Variants in AGBL1 observed in about 807,000 individuals in gnomAD.
AGBL1 encodes AGBL carboxypeptidase 1, also known as cytosolic carboxypeptidase 4.
Under a neutral mutation model 118.9 loss-of-function variants are expected in AGBL1, and 130 were observed. That is an observed-to-expected ratio of 1.09 (90% CI 0.95 to 1.26). The LOEUF is 1.26. AGBL1 is among the 50% of genes most tolerant of loss of function. AGBL1 has a pLI of 0.00. For missense variants in AGBL1, 1,584 were observed against 1,298.1 expected (o/e 1.22, Z -3.38); for synonymous variants, 555 against 478.9 (o/e 1.16, Z -2.08).
At chr15:86,106,365 G>A (rs1404072118) in intron 1 of AGBL1, among the ~76,000 whole-genome samples, 1 of 152,162 alleles carries the variant, frequency 6.6e-6, no homozygotes, top group Non-Finnish European at 1.5e-5. Context: ...GCATGGAGAA[G>A]GAGGGTTGAT....
At chr15:86,448,432 C>T (rs74025133) in intron 18 of AGBL1, among the ~76,000 whole-genome samples, 2 of 152,098 alleles carry the variant, frequency 1.3e-5, no homozygotes. Flanking sequence ...TAGAGCCATG[C>T]GTAGTTGACT....
chr15:86,374,974 T>C (rs985598745), intron 17 of AGBL1, among the ~76,000 whole-genome samples: 3 of 152,198 alleles, frequency 2.0e-5, no homozygotes, highest in Admixed American at 1.3e-4. Flanking sequence ...GGATACATAG[T>C]AAATGTGTCT....
intron 18 of AGBL1, among the ~76,000 whole-genome samples, chr15:86,462,676 C>T (rs2142088028): frequency 6.6e-6 from 1 of 152,218 alleles, no homozygotes; most frequent in Admixed American, 6.5e-5. Context: ...TCAGTGAGAA[C>T]ATGCGGTGTT....
chr15:86,434,004 A>G (rs1953732354), intron 18 of AGBL1, among the ~76,000 whole-genome samples: 1 of 152,244 alleles, frequency 6.6e-6, no homozygotes. Context: ...TAATTGATCC[A>G]GAAATTCTAG....
At chr15:86,549,255 G>C (rs557042598) in intron 20 of AGBL1, among the ~76,000 whole-genome samples, 88 of 152,132 alleles carry the variant, frequency 5.8e-4, no homozygotes, top group African/African-American at 2.1e-3. Context: ...AGTCCAAAGA[G>C]ACTTAAGAAC....
At chr15:86,703,883 C>T (rs2086402568) in intron 22 of AGBL1, among the ~76,000 whole-genome samples, 1 of 152,078 alleles carries the variant, frequency 6.6e-6, no homozygotes, top group Admixed American at 6.6e-5. Flanking sequence ...TACCAGAGTT[C>T]AAACTATACT....
intron 22 of AGBL1, among the ~76,000 whole-genome samples, chr15:86,729,252 A>G (rs112608498): frequency 6.6e-5 from 10 of 152,080 alleles, no homozygotes; most frequent in African/African-American, 2.4e-4. Flanking sequence ...ATGATTAACT[A>G]TTTTCTGAAA....
At chr15:86,890,580 G>T (rs950766498) in intron 22 of AGBL1, among the ~76,000 whole-genome samples, 6 of 152,146 alleles carry the variant, frequency 3.9e-5, no homozygotes, top group Non-Finnish European at 8.8e-5. Context: ...GTATAAGGAA[G>T]AGGTCCAGTT....
chr15:86,703,979 A>G (rs933107868), intron 22 of AGBL1, among the ~76,000 whole-genome samples: 4 of 152,210 alleles, frequency 2.6e-5, no homozygotes, highest in Non-Finnish European at 5.9e-5. Flanking sequence ...CCTCAGAAAT[A>G]TCACCACACA....
intron 5 of AGBL1, among the ~76,000 whole-genome samples, chr15:86,215,851 G>A (rs770673315): frequency 1.5e-4 from 23 of 152,138 alleles, no homozygotes; most frequent in Non-Finnish European, 2.9e-4. Context: ...ATATGGATGT[G>A]TCATTTTGGG....
chr15:86,711,831 G>C (rs942358994), intron 22 of AGBL1, among the ~76,000 whole-genome samples: 1 of 152,152 alleles, frequency 6.6e-6, no homozygotes, highest in African/African-American at 2.4e-5. Context: ...GAGAAAAAAA[G>C]ATTGTCCACT....
chr15:86,135,083 G>T (rs2076871607), intron 1 of AGBL1, among the ~76,000 whole-genome samples: 1 of 152,186 alleles, frequency 6.6e-6, no homozygotes, highest in African/African-American at 2.4e-5. Context: ...GGAATGAGAG[G>T]TGTTTGGATC....
chr15:86,299,625 G>A (rs1300450598), intron 17 of AGBL1: 1 of 152,160 alleles, frequency 6.6e-6, no homozygotes, highest in Non-Finnish European at 1.5e-5. Flanking sequence ...ATTCTTTTCA[G>A]TGCCTTCTGA....
At chr15:86,726,454 A>G (rs973326952) in intron 22 of AGBL1, among the ~76,000 whole-genome samples, 1 of 152,224 alleles carries the variant, frequency 6.6e-6, no homozygotes, top group African/African-American at 2.4e-5. Context: ...CTCCATCTAT[A>G]TAAAGAAAGC....
intron 17 of AGBL1, among the ~76,000 whole-genome samples, chr15:86,339,286 A>G (rs2080423595): frequency 6.6e-6 from 1 of 151,976 alleles, no homozygotes; most frequent in Non-Finnish European, 1.5e-5. Flanking sequence ...TTTTTTCTTT[A>G]TTTTTCAAAA....
chr15:86,213,708 G>A (rs1789486597), intron 5 of AGBL1, among the ~76,000 whole-genome samples: 1 of 152,180 alleles, frequency 6.6e-6, no homozygotes, highest in East Asian at 1.9e-4. Context: ...GGGATGACTA[G>A]TTAGTCATCA....
At chr15:86,282,961 T>C (rs2079379185) in intron 16 of AGBL1, among the ~76,000 whole-genome samples, 1 of 152,340 alleles carries the variant, frequency 6.6e-6, no homozygotes, top group African/African-American at 2.4e-5. Flanking sequence ...CTCTCAAAAT[T>C]TTTTTATTCT....
At chr15:86,858,077 C>T (rs1475550479) in intron 22 of AGBL1, among the ~76,000 whole-genome samples, 2 of 152,178 alleles carry the variant, frequency 1.3e-5, no homozygotes, top group South Asian at 4.1e-4. Context: ...ACAGGCTAAG[C>T]TCCCCTGATA....
At chr15:86,616,871 G>A (rs2084735049) in intron 21 of AGBL1, among the ~76,000 whole-genome samples, 1 of 152,174 alleles carries the variant, frequency 6.6e-6, no homozygotes, top group Admixed American at 6.5e-5. Flanking sequence ...CTAGTCCTAT[G>A]TCTTTAGCTC....
Sources: gnomAD v4.1 joint callset for allele counts (sites outside exome capture counted in the v4.1 genomes callset) on GRCh38, gnomAD v4.1.1 for gene constraint, MANE v1.5 for transcripts, NCBI Gene and HGNC (gene_info 2026-07-23, HGNC 2026-07-21) for gene names.